The following CSNK1G3 variants were observed in gnomAD, a reference collection of about 807,000 sequenced individuals.
CSNK1G3 encodes the protein casein kinase I isoform gamma-3.
In CSNK1G3, 23 loss-of-function variants were observed where a neutral mutation model predicts 64.3. That is an observed-to-expected ratio of 0.36 (90% CI 0.26 to 0.51). CSNK1G3 has a LOEUF of 0.51. Ranked by LOEUF, CSNK1G3 falls within the 20% of genes least tolerant of loss-of-function variation. The pLI is 0.96. For missense variants in CSNK1G3, 357 were observed against 510.5 expected (o/e 0.70, Z 2.90); for synonymous variants, 158 against 162.2 (o/e 0.97, Z 0.20).
intron 1 of CSNK1G3, among the ~76,000 whole-genome samples, chr5:123,513,774 T>C (rs1162430376): frequency 1.3e-5 from 2 of 152,212 alleles, no homozygotes; most frequent in Non-Finnish European, 2.9e-5. Context: ...CCGGTAAATT[T>C]AGAAGAAAAA....
chr5:123,593,685 G>C (rs1158739375), intron 10 of CSNK1G3, among the ~76,000 whole-genome samples: 1 of 152,002 alleles, frequency 6.6e-6, no homozygotes, highest in African/African-American at 2.4e-5. Context: ...GCTTAATTCT[G>C]GTTATGGATT....
intron 6 of CSNK1G3, among the ~76,000 whole-genome samples, chr5:123,577,668 T>C (rs551061067): frequency 3.3e-5 from 5 of 152,000 alleles, no homozygotes; most frequent in African/African-American, 1.2e-4. Flanking sequence ...CCACTTTATA[T>C]AGCAAGTCTA....
intron 4 of CSNK1G3, among the ~76,000 whole-genome samples, chr5:123,565,667 G>A (rs906529039): frequency 6.6e-6 from 1 of 152,166 alleles, no homozygotes; most frequent in Non-Finnish European, 1.5e-5. Flanking sequence ...TCACGGTTCT[G>A]TAGGCTGTAT....
intron 6 of CSNK1G3, among the ~76,000 whole-genome samples, chr5:123,582,208 TA>T (rs1790434610): frequency 6.6e-6 from 1 of 152,058 alleles, no homozygotes; most frequent in African/African-American, 2.4e-5. Context: ...GAAAAATAAA[TA>T]ATGTTGAGAT....
rs182897465 is a variant in CSNK1G3 at position 123,607,020 on chromosome 5, G to A, written c.1217+1658G>A. 2.6e-5 allele frequency among the ~76,000 whole-genome samples: 4 copies of A among 152,308 alleles called. No homozygotes were observed. In the East Asian group the frequency reaches 7.7e-4, roughly 29 times the overall value. On this transcript the variant is annotated intron_variant, in intron 12 of 12. Transcript: ENST00000345990. Reference sequence around the variant, plus strand: ...GAGAATACTTGATGGAGGTGGCTCTGAAGAATGGCACAGTTATTTAGTTGG... The same window carrying A: ...GAGAATACTTGATGGAGGTGGCTCTAAAGAATGGCACAGTTATTTAGTTGG...
intron 1 of CSNK1G3, among the ~76,000 whole-genome samples, chr5:123,519,832 A>G (rs896102420): frequency 2.6e-5 from 4 of 152,218 alleles, no homozygotes; most frequent in African/African-American, 9.6e-5. Context: ...TAGAACTCTT[A>G]TATCCTAATT....
chr5:123,574,026 T>C (rs1788655760), intron 5 of CSNK1G3, among the ~76,000 whole-genome samples: 1 of 152,098 alleles, frequency 6.6e-6, no homozygotes, highest in Non-Finnish European at 1.5e-5. Context: ...ATTTTTTGTA[T>C]TTTTTGTAGA....
chr5:123,566,524 T>C (rs1786912924), intron 4 of CSNK1G3, among the ~76,000 whole-genome samples: 1 of 152,166 alleles, frequency 6.6e-6, no homozygotes, highest in Non-Finnish European at 1.5e-5. Flanking sequence ...TTTCCTTACC[T>C]CTCCCATTTC....
intron 1 of CSNK1G3, among the ~76,000 whole-genome samples, chr5:123,518,396 G>T (rs531534436): frequency 6.6e-6 from 1 of 152,132 alleles, no homozygotes; most frequent in Non-Finnish European, 1.5e-5. Flanking sequence ...AGGTAGGGTG[G>T]GTGGCTCCAA....
At chr5:123,591,463 TAC>T in intron 10 of CSNK1G3, 49 bp downstream of exon 10, 2 of 1,233,692 alleles carry the variant, frequency 1.6e-6, no homozygotes, top group Non-Finnish European at 2.3e-6. Flanking sequence ...GATTGAAACA[TAC>T]ACTTTTTTCT....
At chr5:123,583,484 C>T (rs956579775) in intron 6 of CSNK1G3, among the ~76,000 whole-genome samples, 1 of 152,228 alleles carries the variant, frequency 6.6e-6, no homozygotes, top group African/African-American at 2.4e-5. Context: ...CCTCAGCCTC[C>T]CGAGTAGCTG....
At chr5:123,552,710 G>A (rs1332265964) in intron 2 of CSNK1G3, among the ~76,000 whole-genome samples, 1 of 152,070 alleles carries the variant, frequency 6.6e-6, no homozygotes, top group Non-Finnish European at 1.5e-5. Flanking sequence ...TAATAATGAT[G>A]AATTTAAAAT....
In CSNK1G3 at chr5:123,520,034, A is replaced by G. The variant is rs1317309218; in HGVS notation, c.-248+7464A>G. On this transcript the variant is annotated intron_variant, in intron 1 of 12. Transcript: ENST00000345990. ...CTTTTTTTTCCAGTAAAATAAGTAA[A>G]CAGACAAAATTTTTCAGCTTGCCTC... is the stretch of plus-strand genomic sequence containing the variant. Among the ~76,000 whole-genome samples, 7 of 152,294 alleles carry G rather than the reference A, an allele frequency of 4.6e-5. No homozygotes were observed. In the East Asian group the frequency reaches 1.2e-3, roughly 25 times the overall value.
intron 6 of CSNK1G3, among the ~76,000 whole-genome samples, chr5:123,585,813 T>C (rs568740109): frequency 3.9e-4 from 59 of 152,306 alleles, no homozygotes; most frequent in African/African-American, 1.3e-3. Flanking sequence ...GTTGGACAGG[T>C]GCAACTGAAA....
chr5:123,522,703 T>G (rs760527826), intron 1 of CSNK1G3, among the ~76,000 whole-genome samples: 3 of 151,932 alleles, frequency 2.0e-5, no homozygotes, highest in Admixed American at 6.6e-5. Context: ...AAAAAAAAAG[T>G]CTGTGCATGT....
intron 7 of CSNK1G3, 37 bp downstream of exon 7, chr5:123,588,190 A>C (rs751881329): frequency 7.0e-7 from 1 of 1,420,190 alleles, no homozygotes; most frequent in East Asian, 2.3e-5. Context: ...AATTTCATAA[A>C]ATATTAAGAT....
chr5:123,553,251 T>A, intron 3 of CSNK1G3, 104 bp downstream of exon 3: 1 of 588,588 alleles, frequency 1.7e-6, no homozygotes, highest in Non-Finnish European at 2.7e-6. Flanking sequence ...ATAATTTGGA[T>A]GTTTATTTGA....
rs922911821 is a variant in CSNK1G3 at position 123,518,147 on chromosome 5, G to T, written c.-248+5577G>T. Among the ~76,000 whole-genome samples the T allele has an allele frequency of 7.2e-5, 11 of 152,276 alleles. No individual in the cohort carries two copies. The South Asian group carries it at 1.0e-3, about 14-fold the overall frequency. On this transcript the variant is annotated intron_variant, in intron 1 of 12. Coordinates refer to ENST00000345990, the Ensembl canonical transcript of CSNK1G3. ...CCAACATCTCCATCCAATTAGGAAT[G>T]CTGGGGTAGAGGAGATTGTTCTTTG...
chr5:123,581,796 C>T (rs1197625835), intron 6 of CSNK1G3, among the ~76,000 whole-genome samples: 1 of 151,238 alleles, frequency 6.6e-6, no homozygotes, highest in Non-Finnish European at 1.5e-5. Flanking sequence ...TAGGGTAGTG[C>T]CAACTAAAGT....
Sources: allele counts gnomAD v4.1 joint callset (sites outside exome capture counted in the v4.1 genomes callset), GRCh38; gene constraint gnomAD v4.1.1; transcripts MANE v1.5; gene names NCBI Gene and HGNC (gene_info 2026-07-23, HGNC 2026-07-21).